NCALD: variants seen among roughly 807,000 people sequenced by gnomAD.
NCALD encodes neurocalcin-delta.
NCALD carries 10 observed loss-of-function variants against 18.6 expected under a neutral mutation model. That is an observed-to-expected ratio of 0.54 (90% CI 0.33 to 0.91). The LOEUF (loss-of-function observed/expected upper bound fraction) is 0.91. NCALD is among the 40% of genes least tolerant of loss of function. NCALD has a pLI of 0.03. For missense variants in NCALD, 184 were observed against 247.6 expected (o/e 0.74, Z 1.72); for synonymous variants, 88 against 87.4 (o/e 1.01, Z -0.04).
At chr8:101,951,200 G>T (rs1014027878) in intron 2 of NCALD, among the ~76,000 whole-genome samples, 3 of 152,154 alleles carry the variant, frequency 2.0e-5, no homozygotes, top group African/African-American at 4.8e-5. Flanking sequence ...TAGAAAAAAC[G>T]ATGAGGACAG....
chr8:102,086,572 A>T (rs1341755480), intron 1 of NCALD, among the ~76,000 whole-genome samples: 4 of 151,918 alleles, frequency 2.6e-5, no homozygotes, highest in African/African-American at 9.7e-5. Context: ...TCTTGCCTGG[A>T]CTCCTGTCTA....
intron 2 of NCALD, among the ~76,000 whole-genome samples, chr8:101,934,504 C>A (rs1737105461): frequency 6.6e-6 from 1 of 151,928 alleles, no homozygotes; most frequent in African/African-American, 2.4e-5. Flanking sequence ...AGAAAAGAGA[C>A]CCATAAATTA....
intron 4 of NCALD, among the ~76,000 whole-genome samples, chr8:101,864,847 C>T (rs1193853419): frequency 1.3e-5 from 2 of 152,138 alleles, no homozygotes; most frequent in Non-Finnish European, 2.9e-5. Context: ...CCGCCCATCT[C>T]AGCCTCCCAA....
intron 2 of NCALD, among the ~76,000 whole-genome samples, chr8:101,967,476 C>T (rs1820072039): frequency 1.3e-5 from 2 of 152,090 alleles, no homozygotes; most frequent in African/African-American, 4.8e-5. Flanking sequence ...TCCTAGGGGC[C>T]CAATATTCAA....
At chr8:101,724,729 T>C (rs1231458897) in intron 1 of NCALD, among the ~76,000 whole-genome samples, 1 of 152,154 alleles carries the variant, frequency 6.6e-6, no homozygotes, top group Admixed American at 6.5e-5. Context: ...CATAAGCAAA[T>C]AAATGAAAAC....
chr8:101,977,034 C>A (rs1820448912), intron 2 of NCALD, among the ~76,000 whole-genome samples: 1 of 152,098 alleles, frequency 6.6e-6, no homozygotes, highest in Admixed American at 6.5e-5. Context: ...TCACCATGAT[C>A]TTTTCTGAAT....
At chr8:101,991,728 T>C (rs1586884408) in intron 2 of NCALD, among the ~76,000 whole-genome samples, 1 of 152,094 alleles carries the variant, frequency 6.6e-6, no homozygotes. Context: ...AGGACTCAGG[T>C]TGACAGTAGT....
At chr8:102,098,984 C>T (rs1825189047) in intron 1 of NCALD, among the ~76,000 whole-genome samples, 1 of 152,142 alleles carries the variant, frequency 6.6e-6, no homozygotes, top group Admixed American at 6.5e-5. Flanking sequence ...GTGTTGTGAA[C>T]CTGGAGCTGT....
At chr8:102,119,853 T>C (rs56334866) in intron 1 of NCALD, among the ~76,000 whole-genome samples, 2,168 of 152,346 alleles carry the variant, frequency 0.014, 30 homozygotes, top group South Asian at 0.034. Flanking sequence ...AACAGAATGC[T>C]GAGCATGTAG....
At chr8:101,965,480 T>C (rs981011888) in intron 2 of NCALD, among the ~76,000 whole-genome samples, 1 of 152,160 alleles carries the variant, frequency 6.6e-6, no homozygotes, top group Non-Finnish European at 1.5e-5. Flanking sequence ...TGGATGATGC[T>C]GGAAACCATC....
intron 4 of NCALD, among the ~76,000 whole-genome samples, chr8:101,842,400 T>C (rs1293447891): frequency 1.3e-5 from 2 of 152,220 alleles, no homozygotes; most frequent in African/African-American, 2.4e-5. Context: ...TTGGGAGTGA[T>C]TTCCTCTGCA....
chr8:102,104,076 G>A (rs1026343311), intron 1 of NCALD, among the ~76,000 whole-genome samples: 8 of 152,154 alleles, frequency 5.3e-5, no homozygotes, highest in African/African-American at 9.7e-5. Flanking sequence ...CTGAGGTCGC[G>A]TAGCCTCAAA....
At chr8:101,955,215 A>G (rs963786226) in intron 2 of NCALD, among the ~76,000 whole-genome samples, 3 of 152,244 alleles carry the variant, frequency 2.0e-5, no homozygotes, top group Non-Finnish European at 2.9e-5. Context: ...GGATAGAACA[A>G]TAAGTCCCTA....
intron 1 of NCALD, among the ~76,000 whole-genome samples, chr8:102,051,743 C>T (rs950752964): frequency 1.8e-4 from 27 of 152,202 alleles, no homozygotes; most frequent in Admixed American, 1.8e-3. Context: ...CCTTTCAGCT[C>T]ATGACCAAGC....
chr8:101,787,504 A>C (rs895376907), intron 1 of NCALD, among the ~76,000 whole-genome samples: 1 of 152,190 alleles, frequency 6.6e-6, no homozygotes, highest in Non-Finnish European at 1.5e-5. Flanking sequence ...GACTTTGGAC[A>C]TTCTGAATAT....
chr8:101,943,948 C>CAAAACAA (rs1205707402), intron 2 of NCALD, among the ~76,000 whole-genome samples: 1 of 146,918 alleles, frequency 6.8e-6, no homozygotes, highest in Admixed American at 6.8e-5. Flanking sequence ...CTCAAAAAAA[C>CAAAACAA]AAAACAAAAA....
chr8:101,934,669 T>TC (rs1681169326), intron 2 of NCALD, among the ~76,000 whole-genome samples: 1 of 22,076 alleles, frequency 4.5e-5, no homozygotes, highest in African/African-American at 2.5e-4. Context: ...TTTTATTAGA[T>TC]ATGACAGGAA....
chr8:101,981,964 C>T (rs1297442194), intron 2 of NCALD, among the ~76,000 whole-genome samples: 1 of 152,088 alleles, frequency 6.6e-6, no homozygotes, highest in Non-Finnish European at 1.5e-5. Context: ...TTGGTTCCCT[C>T]CTTGTGATAA....
intron 2 of NCALD, among the ~76,000 whole-genome samples, chr8:101,926,521 A>G (rs1339956795): frequency 6.6e-6 from 1 of 152,202 alleles, no homozygotes; most frequent in Non-Finnish European, 1.5e-5. Context: ...CTTCAGAACC[A>G]TCTCTATTAG....
Sources: gnomAD v4.1 joint callset for allele counts (sites outside exome capture counted in the v4.1 genomes callset) on GRCh38, gnomAD v4.1.1 for gene constraint, MANE v1.5 for transcripts, NCBI Gene and HGNC (gene_info 2026-07-23, HGNC 2026-07-21) for gene names.